The following DGKE variants were observed in gnomAD, a reference collection of about 807,000 sequenced individuals.
The protein encoded by DGKE is diacylglycerol kinase epsilon, also known as DAG kinase epsilon.
DGKE carries 53 observed loss-of-function variants against 70.0 expected under a neutral mutation model. The observed-to-expected ratio is 0.76, with a 90% CI of 0.61 to 0.95. The LOEUF is 0.95. Ranked by LOEUF, DGKE falls within the 40% of genes least tolerant of loss-of-function variation. The pLI is 0.00. For synonymous variants in DGKE, 291 were observed against 257.0 expected, an observed-to-expected ratio of 1.13 and a Z score of -1.27; for missense variants, 655 against 706.9, an observed-to-expected ratio of 0.93 and a Z score of 0.83.
intron 7 of DGKE, among the ~76,000 whole-genome samples, chr17:56,853,768 T>C (rs988977454): frequency 2.8e-4 from 42 of 152,202 alleles, no homozygotes; most frequent in African/African-American, 7.7e-4. Flanking sequence ...CTCAAAAAAC[T>C]AAAACTAGAA....
In DGKE at chr17:56,865,109, C is replaced by G. The variant is rs998396834; in HGVS notation, c.*2318C>G. 6.6e-6 allele frequency: 1 copy of G among 152,018 alleles called. No individual in the cohort carries two copies. The highest frequency in any genetic ancestry group is 2.4e-5 in the African/African-American group (1 of 41,460). The allele number at this position is 152,018 out of a possible 1,614,324, so 9.4% of individuals were successfully genotyped here. On this transcript the variant is annotated 3_prime_UTR_variant, in exon 12 of 12. Coordinates refer to ENST00000284061, the MANE Select transcript of DGKE (RefSeq NM_003647.3). ...TCACTTACTTTTTGGGCACATTTACCCAGCATTTCAAATAAGTGTATAGGC... is the reference window on the plus strand; with the variant it reads ...TCACTTACTTTTTGGGCACATTTACGCAGCATTTCAAATAAGTGTATAGGC...
chr17:56,854,549 A>G (rs993853769), intron 7 of DGKE, among the ~76,000 whole-genome samples: 2 of 152,068 alleles, frequency 1.3e-5, no homozygotes, highest in African/African-American at 4.8e-5. Flanking sequence ...TCCTGGGCTC[A>G]AGCAGTCCAC....
intron 7 of DGKE, among the ~76,000 whole-genome samples, chr17:56,852,625 G>A (rs559221316): frequency 1.1e-4 from 17 of 151,864 alleles, no homozygotes; most frequent in Non-Finnish European, 2.1e-4. Context: ...AAAATTGAAC[G>A]TAAAAAAATA....
At chr17:56,857,557 C>G (rs2144278895) in intron 8 of DGKE, among the ~76,000 whole-genome samples, 1 of 152,188 alleles carries the variant, frequency 6.6e-6, no homozygotes, top group South Asian at 2.1e-4. Context: ...AATATAGTTA[C>G]TAAGGTAATA....
Position 56,834,829 on chromosome 17 carries a change from C to A in DGKE, c.34C>A (p.Pro12Thr). The change falls in exon 2 of 12, where the codon CCC becomes ACC. Residue 12 changes from proline to threonine, a missense_variant. By Grantham distance (38) the Pro-to-Thr change is conservative. Transcript: ENST00000284061. ...GGAGAGGCGGCCGGCGCCGGGCTCGCCCTCCGAGGGCCTGTTTGCGGACGG... is the reference window on the plus strand; with the variant it reads ...GGAGAGGCGGCCGGCGCCGGGCTCGACCTCCGAGGGCCTGTTTGCGGACGG... ...EAERRPAPGS[P>T]SEGLFADGHL... 1.9e-6 allele frequency: 3 copies of A among 1,608,170 alleles called. No homozygotes were observed. Among genetic ancestry groups the A allele is most frequent in the Non-Finnish European group, 2.5e-6 (3 of 1,177,900 alleles).
chr17:56,834,384 G>T (rs546190699), intron 1 of DGKE, 124 bp downstream of exon 1: 1 of 175,622 alleles, frequency 5.7e-6, no homozygotes, highest in South Asian at 1.5e-4. Context: ...AGGGGAGTGC[G>T]AGGCCTGGGC....
chr17:56,837,003 T>G (rs1906667599), intron 2 of DGKE, among the ~76,000 whole-genome samples: 1 of 152,166 alleles, frequency 6.6e-6, no homozygotes, highest in Non-Finnish European at 1.5e-5. Flanking sequence ...CTCCCCCAGT[T>G]TTTCCTTTTT....
rs1907171583 is a variant in DGKE at position 56,844,458 on chromosome 17, A to G, written c.624+280A>G. ...TAGTGGTTTCCAAATCATTGCCTGCATCTGAATGATTTAGGGAGCTTTTTA... is the reference window on the plus strand; with the variant it reads ...TAGTGGTTTCCAAATCATTGCCTGCGTCTGAATGATTTAGGGAGCTTTTTA... On this transcript the variant is annotated intron_variant, in intron 3 of 11. Coordinates refer to ENST00000284061, the MANE Select transcript of DGKE (RefSeq NM_003647.3). Among the ~76,000 whole-genome samples the G allele has an allele frequency of 2.6e-5, 4 of 152,190 alleles. No homozygotes were observed. In the South Asian group the frequency reaches 6.2e-4, roughly 24 times the overall value.
In DGKE at chr17:56,834,969, C is replaced by T; in HGVS notation, c.174C>T (p.Ser58=). The change falls in exon 2 of 12, where the codon AGC becomes AGT. Residue 58 remains serine (S), a synonymous_variant. Coordinates refer to ENST00000284061, the MANE Select transcript of DGKE (RefSeq NM_003647.3). The part of the protein sequence containing the change: ...QLHRRDIFRK[S]KHGWRDTDLF... ...ACCGCAGGGACATCTTCCGCAAGAG[C>T]AAGCACGGGTGGCGCGACACGGACC... The T allele has an allele frequency of 6.2e-7, 1 of 1,613,070 alleles. No homozygotes were observed. Among genetic ancestry groups the T allele is most frequent in the Non-Finnish European group, 8.5e-7 (1 of 1,179,978 alleles).
At chr17:56,857,969 A>C (rs954356351) in intron 8 of DGKE, among the ~76,000 whole-genome samples, 1 of 151,276 alleles carries the variant, frequency 6.6e-6, no homozygotes, top group African/African-American at 2.4e-5. Context: ...GCTACTTGAG[A>C]GACTGAGTCA....
chr17:56,836,834 T>C (rs1418592241), intron 2 of DGKE, among the ~76,000 whole-genome samples: 1 of 152,216 alleles, frequency 6.6e-6, no homozygotes, highest in East Asian at 1.9e-4. Flanking sequence ...CTTCTTGTAA[T>C]TTCCTTAAAA....
chr17:56,854,576 A>G (rs910748430), intron 7 of DGKE, among the ~76,000 whole-genome samples: 1 of 152,080 alleles, frequency 6.6e-6, no homozygotes, highest in Non-Finnish European at 1.5e-5. Flanking sequence ...CAGCCTCCCA[A>G]AGTGCTGGGA....
At chr17:56,842,673 CA>C (rs1345612727) in intron 2 of DGKE, among the ~76,000 whole-genome samples, 24 of 152,232 alleles carry the variant, frequency 1.6e-4, no homozygotes, top group Middle Eastern at 3.4e-3. Flanking sequence ...TCTGAATATC[CA>C]AAAGGAAAAA....
At chr17:56,841,085 T>TACTA (rs1567811279) in intron 2 of DGKE, among the ~76,000 whole-genome samples, 1 of 151,924 alleles carries the variant, frequency 6.6e-6, no homozygotes, top group African/African-American at 2.4e-5. Context: ...ACCCCGTCTC[T>TACTA]ACTAAAAATA....
chr17:56,844,915 G>A (rs1907192639), intron 3 of DGKE, among the ~76,000 whole-genome samples: 1 of 152,056 alleles, frequency 6.6e-6, no homozygotes, highest in African/African-American at 2.4e-5. Flanking sequence ...TTTTAAAATT[G>A]TACCTTTTTC....
chr17:56,834,678 A>T, intron 1 of DGKE, 100 bp from the exon 2 acceptor site: 1 of 1,117,820 alleles, frequency 8.9e-7, no homozygotes, highest in Non-Finnish European at 1.3e-6. Flanking sequence ...GAGCGGAGCC[A>T]CCTTCACTGA....
chr17:56,834,436 C>T (rs543922085), intron 1 of DGKE, among the ~76,000 whole-genome samples, 176 bp downstream of exon 1: 1 of 152,372 alleles, frequency 6.6e-6, no homozygotes, highest in South Asian at 2.1e-4. Context: ...GGCCTGAACG[C>T]CCGGCCTTTC....
At chr17:56,861,290 T>G (rs1908276713) in intron 9 of DGKE, among the ~76,000 whole-genome samples, 1 of 152,328 alleles carries the variant, frequency 6.6e-6, no homozygotes, top group South Asian at 2.1e-4. Context: ...TGTTACTCTT[T>G]CCTGGTAAGT....
chr17:56,858,104 C>T (rs1445373712), intron 8 of DGKE, among the ~76,000 whole-genome samples: 1 of 148,748 alleles, frequency 6.7e-6, no homozygotes, highest in African/African-American at 2.5e-5. Context: ...AAGAAAAAAT[C>T]ACTTCTATCC....
Sources: gnomAD v4.1 joint callset for allele counts (sites outside exome capture counted in the v4.1 genomes callset) on GRCh38, gnomAD v4.1.1 for gene constraint, MANE v1.5 for transcripts, NCBI Gene and HGNC (gene_info 2026-07-23, HGNC 2026-07-21) for gene names.